WFS1: variants seen among roughly 807,000 people sequenced by gnomAD.
The protein encoded by WFS1 is wolframin ER transmembrane glycoprotein, also known as wolframin.
A neutral mutation model predicts 68.5 loss-of-function variants in WFS1; 90 were observed. The observed-to-expected ratio is 1.31, with a 90% confidence interval of 1.11 to 1.56. The LOEUF is 1.56. Among genes scored for constraint, WFS1 ranks in the 40% most tolerant of loss-of-function variants. WFS1 has a pLI of 0.00. For missense variants in WFS1, 1,767 were observed against 1,232.6 expected, an observed-to-expected ratio of 1.43 and a Z score of -6.49; for synonymous variants, 860 against 540.7, an observed-to-expected ratio of 1.59 and a Z score of -8.19.
At chr4:6,285,159 GTCCAGGGAGAGTTACA>G (rs372883077) in intron 2 of WFS1, among the ~76,000 whole-genome samples, 6,602 of 57,936 alleles carry the variant, frequency 0.11, 174 homozygotes, top group East Asian at 0.26. Context: ...CAAGAGTTGC[GTCCAGGGAGAGTTACA>G]TCCAGGGAGA....
Position 6,283,566 on chromosome 4 carries a change from G to T in WFS1, c.233-3527G>T, listed in dbSNP as rs1042412666. ...GTGTCTCAGGGGCTCTGCCCACAGGGTGACCTTCCACAGTTCAAGCTGGCA... is the reference window on the plus strand; with the variant it reads ...GTGTCTCAGGGGCTCTGCCCACAGGTTGACCTTCCACAGTTCAAGCTGGCA... On this transcript the variant is annotated intron_variant, in intron 2 of 7. Coordinates refer to ENST00000226760, the MANE Select transcript of WFS1 (RefSeq NM_006005.3). This position sits in a 1 kb window ranked among gnomAD's most constrained non-coding sequence, Gnocchi z 5.0. Among the ~76,000 whole-genome samples the T allele has an allele frequency of 6.6e-6, 1 of 152,214 alleles. No individual in the cohort carries two copies. The highest frequency in any genetic ancestry group is 2.4e-5 in the African/African-American group (1 of 41,448).
rs1280050751 is a variant in WFS1 at position 6,301,079 on chromosome 4, C to T, written c.1284C>T (p.Pro428=). ...SFPIASKDCI[P]CSELAVITGF... is the part of the protein sequence containing the mutation. ...CCATCGCCAGCAAGGACTGCATCCC[C>T]TGCTCGGAGCTGGCTGTCATCACCG... is the stretch of plus-strand genomic sequence containing the variant. Residue 428 remains proline, a synonymous_variant, in exon 8 of 8, where the codon CCC becomes CCT. Coordinates refer to ENST00000226760, the MANE Select transcript of WFS1 (RefSeq NM_006005.3). 7 of 1,614,148 alleles carry T rather than the reference C, an allele frequency of 4.3e-6. No individual in the cohort carries two copies. The highest frequency in any genetic ancestry group is 2.5e-6 in the Non-Finnish European group (3 of 1,180,046).
chr4:6,277,585 C>A lies in WFS1; in HGVS notation c.130C>A (p.Pro44Thr), dbSNP rs766861457. 20 of 1,582,186 alleles carry A rather than the reference C, an allele frequency of 1.3e-5. No individual in the cohort carries two copies. The highest frequency in any genetic ancestry group is 3.5e-5 in the South Asian group (3 of 86,356). The change falls in exon 2 of 8, where the codon CCC becomes ACC. Residue 44 changes from proline to threonine, a missense_variant. By Grantham distance (38) the Pro-to-Thr change is conservative. Coordinates refer to ENST00000226760, the MANE Select transcript of WFS1 (RefSeq NM_006005.3). Reference sequence around the variant, plus strand: ...GGAGAGGAGCGAAAGGCCCCGAGCACCCGGACCCCAGGCTGGCCCTGGCCC... The same window carrying A: ...GGAGAGGAGCGAAAGGCCCCGAGCAACCGGACCCCAGGCTGGCCCTGGCCC... ...EQERSERPRA[P>T]GPQAGPGPGV...
chr4:6,295,420 T>C (rs560466162), intron 7 of WFS1, among the ~76,000 whole-genome samples: 1 of 152,216 alleles, frequency 6.6e-6, no homozygotes, highest in South Asian at 2.1e-4. Flanking sequence ...GGGGCGGTGT[T>C]GGGCAGGAGT....
intron 2 of WFS1, among the ~76,000 whole-genome samples, chr4:6,285,089 G>A (rs895448650): frequency 2.6e-5 from 4 of 151,910 alleles, no homozygotes; most frequent in Non-Finnish European, 5.9e-5. Context: ...GGGACCTGAT[G>A]CCATCTCTGA....
intron 5 of WFS1, 117 bp from the exon 6 acceptor site, chr4:6,291,800 C>A: frequency 8.9e-7 from 1 of 1,117,498 alleles, no homozygotes; most frequent in South Asian, 1.3e-5. Flanking sequence ...ATCCCCAGAA[C>A]GTAGGATGCC....
At position 6,300,962 on chromosome 4, in the gene WFS1, T is replaced by C. The variant is rs201282601; in HGVS notation, c.1167T>C (p.Asp389=). The C allele has an allele frequency of 3.1e-6, 5 of 1,613,866 alleles. No homozygotes were observed. Among genetic ancestry groups the C allele is most frequent in the Non-Finnish European group, 4.2e-6 (5 of 1,180,010 alleles). The change falls in exon 8 of 8, where the codon GAT becomes GAC. Residue 389 remains aspartate, a synonymous_variant. Transcript: ENST00000226760. ...DLLLRFEPNL[D]VEQAEVNFGW... is the part of the protein sequence containing the mutation. ...TGCTGCGCTTCGAGCCCAACCTGGATGTGGAGCAGGCCGAGGTCAACTTCG... is the reference window on the plus strand; with the variant it reads ...TGCTGCGCTTCGAGCCCAACCTGGACGTGGAGCAGGCCGAGGTCAACTTCG...
chr4:6,301,736 C>G lies in WFS1; in HGVS notation c.1941C>G (p.Cys647Trp), dbSNP rs1261149781. ...GGCTCACGGCCATCGTGCTGTTCTG[C>G]TGGTTCTATGTGTACCGCTCAGAGG... ...LVWLTAIVLF[C>W]WFYVYRSEGM... Residue 647 changes from cysteine (C) to tryptophan (W), a missense_variant, in exon 8 of 8, where the codon TGC becomes TGG. Physicochemically the swap from Cys to Trp is radical, Grantham distance 215. Transcript: ENST00000226760. 1.9e-6 allele frequency: 3 copies of G among 1,613,996 alleles called. No homozygotes were observed. The highest frequency in any genetic ancestry group is 2.2e-5 in the East Asian group (1 of 44,876).
In WFS1 at chr4:6,301,045, T is replaced by C. The variant is rs111570388; in HGVS notation, c.1250T>C (p.Phe417Ser). ...HFLLSVFFVIFSFPIASKDCI... is the reference protein window; with the variant it reads ...HFLLSVFFVISSFPIASKDCI... Reference sequence around the variant, plus strand: ...CTGCTCTCTGTCTTCTTCGTCATCTTCTCCTTCCCCATCGCCAGCAAGGAC... The same window carrying C: ...CTGCTCTCTGTCTTCTTCGTCATCTCCTCCTTCCCCATCGCCAGCAAGGAC... The change falls in exon 8 of 8, where the codon TTC becomes TCC. Residue 417 changes from phenylalanine (F) to serine (S), a missense_variant. Phe to Ser is a radical substitution (Grantham distance 155). Transcript: ENST00000226760. 6.2e-7 allele frequency: 1 copy of C among 1,613,970 alleles called. No individual in the cohort carries two copies. Among genetic ancestry groups the C allele is most frequent in the Non-Finnish European group, 8.5e-7 (1 of 1,180,002 alleles).
chr4:6,300,762 C>A lies in WFS1; in HGVS notation c.967C>A (p.His323Asn), dbSNP rs938954940. The A allele has an allele frequency of 1.9e-6, 3 of 1,614,042 alleles. No individual in the cohort carries two copies. The highest frequency in any genetic ancestry group is 2.5e-6 in the Non-Finnish European group (3 of 1,179,980). The change falls in exon 8 of 8, where the codon CAC becomes AAC. Residue 323 changes from histidine (H) to asparagine (N), a missense_variant. Physicochemically the swap from His to Asn is moderately conservative, Grantham distance 68 (BLOSUM62 1). Coordinates refer to ENST00000226760, the MANE Select transcript of WFS1 (RefSeq NM_006005.3). Reference sequence around the variant, plus strand: ...GCTGTCCACCATCATCCCCACGCACCACATCAACGCGCTCATCTTCTTCTT... The same window carrying A: ...GCTGTCCACCATCATCCCCACGCACAACATCAACGCGCTCATCTTCTTCTT... ...HWLSTIIPTHHINALIFFFIV... is the reference protein window; with the variant it reads ...HWLSTIIPTHNINALIFFFIV...
At position 6,297,607 on chromosome 4, in the gene WFS1, T is replaced by G. The variant is rs548823004; in HGVS notation, c.861+2418T>G. Among the ~76,000 whole-genome samples the G allele has an allele frequency of 2.6e-5, 4 of 152,310 alleles. No homozygotes were observed. The East Asian group carries it at 7.7e-4, about 29-fold the overall frequency. On this transcript the variant is annotated intron_variant, in intron 7 of 7. Coordinates refer to ENST00000226760, the MANE Select transcript of WFS1 (RefSeq NM_006005.3). The stretch of plus-strand genomic sequence containing the variant: ...CTCGGCTCCCTTCCCCAGCCTGCCT[T>G]CTTCACGGGTCCGCTGGGCCATCGG...
At position 6,291,218 on chromosome 4, in the gene WFS1, G is replaced by C; in HGVS notation, c.482G>C (p.Arg161Pro). Residue 161 changes from arginine (R) to proline (P), a missense_variant, in exon 5 of 8, where the codon CGG becomes CCG. Coordinates refer to ENST00000226760, the MANE Select transcript of WFS1 (RefSeq NM_006005.3). ...DRRGITSENEREVRQLSSETD... is the reference protein window; with the variant it reads ...DRRGITSENEPEVRQLSSETD... ...TCAGGCATCACGTCCGAGAACGAAC[G>C]GGAGGTGAGGCAGCTCTCCTCCGAG... 1 of 1,612,798 alleles carries C rather than the reference G, an allele frequency of 6.2e-7. No homozygotes were observed. The highest frequency in any genetic ancestry group is 8.5e-7 in the Non-Finnish European group (1 of 1,180,004).
Position 6,302,077 on chromosome 4 carries a change from C to T in WFS1, c.2282C>T (p.Ala761Val), listed in dbSNP as rs71526459. The change falls in exon 8 of 8, where the codon GCC (alanine) becomes GTC (valine). Residue 761 changes from alanine to valine, a missense_variant. By Grantham distance (64) the Ala-to-Val change is moderately conservative. Transcript: ENST00000226760. The stretch of plus-strand genomic sequence containing the variant: ...GAGCTCTGTCGCCTTAAGCTGCTGG[C>T]CAAGCACCCCTGCCACATCAAGAAG... ...EEELCRLKLL[A>V]KHPCHIKKFD... The T allele has an allele frequency of 2.5e-6, 4 of 1,612,900 alleles. No individual in the cohort carries two copies. The highest frequency in any genetic ancestry group is 1.6e-4 in the Middle Eastern group (1 of 6,062).
At chr4:6,270,138 G>C (rs1729758211) in intron 1 of WFS1, 124 bp downstream of exon 1, 1 of 152,262 alleles carries the variant, frequency 6.6e-6, no homozygotes, top group South Asian at 2.1e-4. Flanking sequence ...ATGGGTGGCT[G>C]GCCCCAAAGT....
rs74791506 is a variant in WFS1, at chr4:6,298,050, G to T, written c.862-2607G>T. 3.0e-4 allele frequency among the ~76,000 whole-genome samples: 45 copies of T among 152,358 alleles called. No individual in the cohort carries two copies. In the East Asian group the frequency reaches 7.7e-3, roughly 26 times the overall value. On this transcript the variant is annotated intron_variant, in intron 7 of 7. Coordinates refer to ENST00000226760, the MANE Select transcript of WFS1 (RefSeq NM_006005.3). ...TGTTCTAGGCAAAAGAATGTGCATGGCTTTGAGTAAGACAGGATTTCAGAT... is the reference window on the plus strand; with the variant it reads ...TGTTCTAGGCAAAAGAATGTGCATGTCTTTGAGTAAGACAGGATTTCAGAT...
chr4:6,297,095 C>T (rs1004703633), intron 7 of WFS1, among the ~76,000 whole-genome samples: 1 of 152,218 alleles, frequency 6.6e-6, no homozygotes, highest in Middle Eastern at 3.2e-3. Context: ...TCCCACACTG[C>T]TGGGATTCAG....
In WFS1 at chr4:6,296,912, C is replaced by T. The variant is rs1011985840; in HGVS notation, c.861+1723C>T. On this transcript the variant is annotated intron_variant, in intron 7 of 7. Transcript: ENST00000226760. ...CGGTCACAGCTCACTGCAGCCTCAA[C>T]GTGCCAAACTCAAGTGATCCTCCCA... 1.2e-4 allele frequency among the ~76,000 whole-genome samples: 19 copies of T among 152,310 alleles called. No homozygotes were observed. The East Asian group carries it at 2.9e-3, about 23-fold the overall frequency.
chr4:6,293,959 G>T (rs1271127890), intron 6 of WFS1, among the ~76,000 whole-genome samples: 1 of 152,180 alleles, frequency 6.6e-6, no homozygotes, highest in Non-Finnish European at 1.5e-5. Flanking sequence ...AGCTACTGAG[G>T]CCTGTGCTAC....
At position 6,302,657 on chromosome 4, in the gene WFS1, C is replaced by T; in HGVS notation, c.*189C>T. 1.3e-6 allele frequency: 1 copy of T among 773,404 alleles called. No individual in the cohort carries two copies. Among genetic ancestry groups the T allele is most frequent in the Non-Finnish European group, 2.0e-6 (1 of 489,260 alleles). The allele number at this position is 773,404 out of a possible 1,614,324, so 47.9% of individuals were successfully genotyped here. Reference sequence around the variant, plus strand: ...GGGAAGGCTGCTGTGTAGCTCTGTCCACTCTGAATACCAAGTGTGTTGGGA... The same window carrying T: ...GGGAAGGCTGCTGTGTAGCTCTGTCTACTCTGAATACCAAGTGTGTTGGGA... On this transcript the variant is annotated 3_prime_UTR_variant, in exon 8 of 8. Transcript: ENST00000226760.
Sources: allele counts gnomAD v4.1 joint callset (sites outside exome capture counted in the v4.1 genomes callset), GRCh38; gene constraint gnomAD v4.1.1; non-coding constraint Gnocchi (gnomAD v3.1); transcripts MANE v1.5; gene names NCBI Gene and HGNC (gene_info 2026-07-23, HGNC 2026-07-21).